The following GCN1 variants were observed in gnomAD, a reference collection of about 807,000 sequenced individuals.
GCN1 encodes the protein stalled ribosome sensor GCN1.
A neutral mutation model predicts 288.4 loss-of-function variants in GCN1; 90 were observed. The ratio of observed to expected loss-of-function variants is 0.31; its 90% CI spans 0.26 to 0.37. The LOEUF is 0.37. Ranked by LOEUF, GCN1 falls within the 10% of genes least tolerant of loss-of-function variation. GCN1 has a pLI of 1.00. For synonymous variants in GCN1, 1,386 were observed against 1,420.2 expected (o/e 0.98, Z 0.54); for missense variants, 2,586 against 3,419.9 (o/e 0.76, Z 6.08).
Position 120,155,617 on chromosome 12 carries a change from C to T in GCN1, c.3415G>A (p.Glu1139Lys). ...CTCTCAGCCAGCTTCCGGATCTCCT[C>T]CTCCTTGTCAAACTTGACCACCCAG... ...RLWVVKFDKE[E>K]EIRKLAERLW... The change falls in exon 29 of 58, where the codon GAG becomes AAG. Residue 1139 changes from glutamate (E) to lysine (K), a missense_variant. Physicochemically the swap from Glu to Lys is moderately conservative, Grantham distance 56. Coordinates refer to ENST00000300648, the MANE Select transcript of GCN1 (RefSeq NM_006836.2). The surrounding 1 kb of genome is among the most constrained non-coding windows in gnomAD (Gnocchi z 4.9). 6.2e-7 allele frequency: 1 copy of T among 1,614,094 alleles called. No individual in the cohort carries two copies.
At position 120,183,140 on chromosome 12, in the gene GCN1, T is replaced by C. The variant is rs149059263; in HGVS notation, c.426+429A>G. Among the ~76,000 whole-genome samples, 205 of 152,012 alleles carry C rather than the reference T, an allele frequency of 1.3e-3. 1 individual carries two copies. Among genetic ancestry groups the C allele is most frequent in the African/African-American group, 4.7e-3 (196 of 41,454 alleles). On this transcript the variant is annotated intron_variant, in intron 5 of 57. Coordinates refer to ENST00000300648, the MANE Select transcript of GCN1 (RefSeq NM_006836.2). ...TAAGAACCAAAACCAAGACAAAAAA[T>C]CCATTCCATTCACCAGTTCAACACT...
At chr12:120,179,212 G>A (rs1418254595) in intron 5 of GCN1, among the ~76,000 whole-genome samples, 1 of 152,080 alleles carries the variant, frequency 6.6e-6, no homozygotes, top group African/African-American at 2.4e-5. Flanking sequence ...GAAGGCACAA[G>A]GGGAGGAAGA....
Position 120,144,378 on chromosome 12 carries a change from T to A in GCN1, c.5423A>T (p.Tyr1808Phe). 6.2e-7 allele frequency: 1 copy of A among 1,614,232 alleles called. No homozygotes were observed. The highest frequency in any genetic ancestry group is 8.5e-7 in the Non-Finnish European group (1 of 1,180,010). Residue 1808 changes from tyrosine (Y) to phenylalanine (F), a missense_variant, in exon 42 of 58, where the codon TAC becomes TTC. Coordinates refer to ENST00000300648, the MANE Select transcript of GCN1 (RefSeq NM_006836.2). The surrounding 1 kb of genome is among the most constrained non-coding windows in gnomAD (Gnocchi z 4.7). ...LRAGQRVISMYAETAIALLLP... is the reference protein window; with the variant it reads ...LRAGQRVISMFAETAIALLLP... Reference sequence around the variant, plus strand: ...CAGCAGGGCGATGGCTGTCTCAGCGTACATGGAGATAACCCGCTGGCCCGC... The same window carrying A: ...CAGCAGGGCGATGGCTGTCTCAGCGAACATGGAGATAACCCGCTGGCCCGC...
chr12:120,163,059 C>T lies in GCN1; in HGVS notation c.2038+11G>A, dbSNP rs1396527964. On this transcript the variant is annotated intron_variant, in intron 19 of 57. Transcript: ENST00000300648. ...GCTCTGGGCTCTCCCACACCCACCG[C>T]AGCCACGGACCTAAGGATGGGTGGT... 6.2e-7 allele frequency: 1 copy of T among 1,613,604 alleles called. No individual in the cohort carries two copies. The highest frequency in any genetic ancestry group is 1.3e-5 in the African/African-American group (1 of 74,940).
chr12:120,170,318 T>TC lies in GCN1; in HGVS notation c.1369dup (p.Asp457GlyfsTer32). On this transcript the variant is annotated frameshift_variant, in exon 15 of 58. Coordinates refer to ENST00000300648, the MANE Select transcript of GCN1 (RefSeq NM_006836.2). LOFTEE classifies it high-confidence loss of function. The stretch of plus-strand genomic sequence containing the variant: ...TAAGTCCAGGGCCTGCAACAGCGTG[T>TC]CACCTGTGGAGAGAGGACAAGCACC... The TC allele has an allele frequency of 6.2e-7, 1 of 1,613,960 alleles. No individual in the cohort carries two copies. The highest frequency in any genetic ancestry group is 8.5e-7 in the Non-Finnish European group (1 of 1,179,844).
At chr12:120,161,778 G>T in intron 21 of GCN1, 102 bp downstream of exon 21, 1 of 1,165,716 alleles carries the variant, frequency 8.6e-7, no homozygotes, top group Non-Finnish European at 1.3e-6. Context: ...TGAATGGATA[G>T]GCTGTTGCAT....
At chr12:120,176,286 T>C in intron 9 of GCN1, 69 bp from the exon 10 acceptor site, 1 of 1,023,922 alleles carries the variant, frequency 9.8e-7, no homozygotes, top group Non-Finnish European at 1.6e-6. Context: ...TTTGTTCCCC[T>C]ACTCCCCAGC....
Position 120,158,497 on chromosome 12 carries a change from G to A in GCN1, c.2868C>T (p.Thr956=). 6.4e-7 allele frequency: 1 copy of A among 1,563,308 alleles called. No individual in the cohort carries two copies. The highest frequency in any genetic ancestry group is 1.2e-5 in the South Asian group (1 of 84,898). ...TGCCCACCCTGCTGGTGATGGTGTGGGTGTGCAGCAGCATCACCGCCCTCT... is the reference window on the plus strand; with the variant it reads ...TGCCCACCCTGCTGGTGATGGTGTGAGTGTGCAGCAGCATCACCGCCCTCT... ...AVKRAVMLLH[T]HTITSRVGKG... The change falls in exon 25 of 58, where the codon ACC becomes ACT. Residue 956 remains threonine, a synonymous_variant. Transcript: ENST00000300648. This position sits in a 1 kb window ranked among gnomAD's most constrained non-coding sequence, Gnocchi z 4.3.
At position 120,142,643 on chromosome 12, in the gene GCN1, A is replaced by G. The variant is rs373791012; in HGVS notation, c.5693T>C (p.Leu1898Pro). The G allele has an allele frequency of 6.2e-7, 1 of 1,613,970 alleles. No individual in the cohort carries two copies. The highest frequency in any genetic ancestry group is 1.3e-5 in the African/African-American group (1 of 74,940). Residue 1898 changes from leucine to proline, a missense_variant, in exon 44 of 58, where the codon CTG becomes CCG. Physicochemically the swap from Leu to Pro is moderately conservative, Grantham distance 98. Transcript: ENST00000300648. The surrounding 1 kb of genome is among the most constrained non-coding windows in gnomAD (Gnocchi z 4.9). ...GLYMGRSDTQ[L>P]VVRQASLHVW... ...ATGCAGGGACGCCTGCCGCACCACCAGCTGGGTGTCTGAGCGGCCCATGTA... is the reference window on the plus strand; with the variant it reads ...ATGCAGGGACGCCTGCCGCACCACCGGCTGGGTGTCTGAGCGGCCCATGTA...
In GCN1 at chr12:120,127,769, C is replaced by A; in HGVS notation, c.*80G>T. Reference sequence around the variant, plus strand: ...TGGGAACGCCATCTTCCAAGCTCCCCATTGGAACAAATGTATTTTCAAAAA... The same window carrying A: ...TGGGAACGCCATCTTCCAAGCTCCCAATTGGAACAAATGTATTTTCAAAAA... On this transcript the variant is annotated 3_prime_UTR_variant, in exon 58 of 58. Transcript: ENST00000300648. The A allele has an allele frequency of 6.8e-7, 1 of 1,468,510 alleles. No individual in the cohort carries two copies. The highest frequency in any genetic ancestry group is 9.4e-7 in the Non-Finnish European group (1 of 1,061,870). The allele number at this position is 1,468,510 out of a possible 1,614,324, so 91.0% of individuals were successfully genotyped here. A position where few individuals can be genotyped will look rare whatever the true frequency, so the allele number is the denominator to read the frequency against.
intron 34 of GCN1, 106 bp downstream of exon 34, chr12:120,151,039 G>A (rs920583802): frequency 4.7e-6 from 6 of 1,274,580 alleles, no homozygotes; most frequent in African/African-American, 2.9e-5. Flanking sequence ...TGTAGTACAC[G>A]CACAAGCAAC....
chr12:120,148,178 G>A lies in GCN1; in HGVS notation c.4715C>T (p.Pro1572Leu), dbSNP rs1877421264. ...LRQIGSVIRN[P>L]EILAIAPVLL... ...CGGGAAAGGCCTACCCAGGATCTCC[G>A]GGTTCCTGATAACGGAGCCGATCTG... is the stretch of plus-strand genomic sequence containing the variant. The change falls in exon 37 of 58, where the codon CCG becomes CTG. Residue 1572 changes from proline (P) to leucine (L), a missense_variant. By Grantham distance (98) the Pro-to-Leu change is moderately conservative. This residue lies in a region of GCN1 where 371 missense variants were observed against 572.6 expected (regional missense o/e 0.65). Coordinates refer to ENST00000300648, the MANE Select transcript of GCN1 (RefSeq NM_006836.2). 11 of 1,612,310 alleles carry A rather than the reference G, an allele frequency of 6.8e-6. No individual in the cohort carries two copies. Among genetic ancestry groups the A allele is most frequent in the East Asian group, 2.2e-5 (1 of 44,882 alleles).
Position 120,194,701 on chromosome 12 carries a change from G to A in GCN1, c.-4C>T. ...TCACCTGCGTGTCCGCCGCCATCCT[G>A]CCGGGGCTGACTCCGGAACCGCTTC... On this transcript the variant is annotated 5_prime_UTR_variant, in exon 1 of 58. Transcript: ENST00000300648. 1.3e-6 allele frequency: 2 copies of A among 1,510,420 alleles called. No homozygotes were observed. The highest frequency in any genetic ancestry group is 1.8e-6 in the Non-Finnish European group (2 of 1,136,320). 93.6% of individuals were successfully genotyped at this position (1,510,420 alleles called of 1,614,324 possible).
chr12:120,194,483 C>T (rs1028841855), intron 1 of GCN1, among the ~76,000 whole-genome samples, 197 bp downstream of exon 1: 1 of 152,244 alleles, frequency 6.6e-6, no homozygotes, highest in Non-Finnish European at 1.5e-5. Context: ...ACTCCTCGAG[C>T]CCGCGGTCTG....
At chr12:120,147,784 C>A (rs1233701872) in intron 37 of GCN1, among the ~76,000 whole-genome samples, 1 of 152,134 alleles carries the variant, frequency 6.6e-6, no homozygotes. Flanking sequence ...TCCTAGCGAT[C>A]GACCTCTTCC....
intron 42 of GCN1, 106 bp from the exon 43 acceptor site, chr12:120,143,047 C>T (rs781482697): frequency 7.6e-6 from 5 of 659,554 alleles, no homozygotes; most frequent in East Asian, 5.1e-5. Flanking sequence ...ATACTCATGA[C>T]GGTCATCTTG....
intron 34 of GCN1, among the ~76,000 whole-genome samples, chr12:120,150,798 G>C (rs1248714897): frequency 1.3e-5 from 2 of 151,840 alleles, no homozygotes; most frequent in Non-Finnish European, 2.9e-5. Flanking sequence ...TTAGCCGGGC[G>C]TGGTGGCGGG....
intron 51 of GCN1, among the ~76,000 whole-genome samples, chr12:120,135,234 A>G (rs1463429350): frequency 6.6e-6 from 1 of 152,226 alleles, no homozygotes. Flanking sequence ...ATGACCTTGG[A>G]GAATCCTCCC....
At chr12:120,177,649 G>C in intron 8 of GCN1, 35 bp downstream of exon 8, 1 of 1,577,772 alleles carries the variant, frequency 6.3e-7, no homozygotes, top group Non-Finnish European at 8.7e-7. Context: ...AATGGGATCA[G>C]TTGTCCAGGT....
Sources: gnomAD v4.1 joint callset for allele counts (sites outside exome capture counted in the v4.1 genomes callset) on GRCh38, gnomAD v4.1.1 for gene constraint, gnomAD v4.1.1 regional missense constraint, Gnocchi (gnomAD v3.1) non-coding constraint, MANE v1.5 for transcripts, NCBI Gene and HGNC (gene_info 2026-07-23, HGNC 2026-07-21) for gene names.